Variants in ANKS1B observed in about 807,000 individuals in gnomAD.
ANKS1B encodes ankyrin repeat and sterile alpha motif domain-containing protein 1B.
Under a neutral mutation model 148.3 loss-of-function variants are expected in ANKS1B, and 36 were observed. The observed-to-expected ratio is 0.24, with a 90% confidence interval of 0.19 to 0.32. The LOEUF is 0.32. ANKS1B is among the 10% of genes least tolerant of loss of function. ANKS1B has a pLI of 1.00. For missense variants in ANKS1B, 1,157 were observed against 1,542.6 expected, an observed-to-expected ratio of 0.75 and a Z score of 4.19; for synonymous variants, 542 against 560.8, an observed-to-expected ratio of 0.97 and a Z score of 0.47.
In ANKS1B at chr12:99,960,993, C is replaced by T. The variant is rs756710018; in HGVS notation, c.134+23111G>A. 7.2e-5 allele frequency among the ~76,000 whole-genome samples: 11 copies of T among 152,134 alleles called. 1 individual carries two copies. The highest frequency in any genetic ancestry group is 4.2e-4 in the South Asian group (2 of 4,814). ...CTGTAATCCCAGCATTTTGAGAGGCCGAGGCGGACGGATCATCTGAGGTCA... is the reference window on the plus strand; with the variant it reads ...CTGTAATCCCAGCATTTTGAGAGGCTGAGGCGGACGGATCATCTGAGGTCA... On this transcript the variant is annotated intron_variant, in intron 1 of 26. Transcript: ENST00000683438.
chr12:99,370,283 A>T (rs2093055684), intron 12 of ANKS1B, among the ~76,000 whole-genome samples: 1 of 152,178 alleles, frequency 6.6e-6, no homozygotes, highest in Admixed American at 6.6e-5. Flanking sequence ...GCCATGACTT[A>T]AAAAATAGAG....
At chr12:99,124,417 CAT>C (rs2063731649) in intron 15 of ANKS1B, among the ~76,000 whole-genome samples, 1 of 57,122 alleles carries the variant, frequency 1.8e-5, no homozygotes, top group Non-Finnish European at 3.4e-5. Context: ...TATTTGTGTG[CAT>C]GTGTGTGTGT....
intron 1 of ANKS1B, among the ~76,000 whole-genome samples, chr12:99,950,888 T>A (rs2095203100): frequency 6.6e-6 from 1 of 152,198 alleles, no homozygotes; most frequent in Admixed American, 6.5e-5. Context: ...CTCCCTTGTT[T>A]TATGGAAGCT....
intron 17 of ANKS1B, 90 bp downstream of exon 17, chr12:99,053,067 A>G: frequency 8.4e-7 from 1 of 1,188,680 alleles, no homozygotes; most frequent in South Asian, 1.9e-5. Flanking sequence ...ATAAATCCCC[A>G]TTGGATGTCC....
chr12:99,313,280 C>G (rs1415941192), intron 12 of ANKS1B, among the ~76,000 whole-genome samples: 1 of 152,082 alleles, frequency 6.6e-6, no homozygotes, highest in Admixed American at 6.6e-5. Context: ...AATAGCCTAT[C>G]AACTAAAAAA....
intron 1 of ANKS1B, among the ~76,000 whole-genome samples, chr12:99,893,107 G>C (rs1400535461): frequency 6.6e-6 from 1 of 151,838 alleles, no homozygotes; most frequent in Non-Finnish European, 1.5e-5. Context: ...TCAGGGGGTT[G>C]ATTTAAAAAT....
chr12:99,343,229 C>T (rs2090182732), intron 12 of ANKS1B, among the ~76,000 whole-genome samples: 1 of 152,028 alleles, frequency 6.6e-6, no homozygotes, highest in African/African-American at 2.4e-5. Context: ...GCAGGAGCCA[C>T]ATTCAATGAA....
chr12:99,079,796 A>C (rs1485468155), intron 16 of ANKS1B: 2 of 152,438 alleles, frequency 1.3e-5, no homozygotes, highest in African/African-American at 4.8e-5. Flanking sequence ...CTCTGCTTGC[A>C]ACAAAACTGG....
intron 17 of ANKS1B, among the ~76,000 whole-genome samples, chr12:98,884,731 G>A (rs1039306100): frequency 6.6e-6 from 1 of 150,976 alleles, no homozygotes; most frequent in Non-Finnish European, 1.5e-5. Context: ...CCCGGGAAGC[G>A]GAGCTTGCAG....
intron 1 of ANKS1B, among the ~76,000 whole-genome samples, chr12:99,927,737 G>A (rs1183550966): frequency 6.6e-6 from 1 of 151,826 alleles, no homozygotes; most frequent in Non-Finnish European, 1.5e-5. Flanking sequence ...ACTTATGATG[G>A]CACCACTGCA....
At chr12:99,541,852 T>TAAA (rs142078756) in intron 9 of ANKS1B, among the ~76,000 whole-genome samples, 1 of 145,032 alleles carries the variant, frequency 6.9e-6, no homozygotes. Flanking sequence ...AGACTCCGTC[T>TAAA]AAAAAAAAAA....
intron 8 of ANKS1B, among the ~76,000 whole-genome samples, chr12:99,731,127 G>T (rs1379653336): frequency 1.3e-5 from 2 of 151,194 alleles, no homozygotes; most frequent in African/African-American, 4.9e-5. Context: ...ATGTTTATTT[G>T]TTTGTTTTTG....
At chr12:98,805,727 C>T (rs2099046008) in intron 20 of ANKS1B, among the ~76,000 whole-genome samples, 1 of 152,146 alleles carries the variant, frequency 6.6e-6, no homozygotes, top group Non-Finnish European at 1.5e-5. Flanking sequence ...ATTTTTAGTT[C>T]ACATGCACTG....
At chr12:99,878,304 C>T (rs2092261015) in intron 1 of ANKS1B, among the ~76,000 whole-genome samples, 1 of 152,130 alleles carries the variant, frequency 6.6e-6, no homozygotes, top group African/African-American at 2.4e-5. Flanking sequence ...AGCACTTTAC[C>T]ACACTTGGTC....
intron 1 of ANKS1B, among the ~76,000 whole-genome samples, chr12:99,965,548 A>G (rs1015750913): frequency 6.6e-6 from 1 of 152,234 alleles, no homozygotes; most frequent in African/African-American, 2.4e-5. Flanking sequence ...CATTATCAGC[A>G]ACGGGACAGA....
At position 99,202,612 on chromosome 12, in the gene ANKS1B, A is replaced by C. The variant is rs79668148; in HGVS notation, c.2419+41730T>G. On this transcript the variant is annotated intron_variant, in intron 14 of 26. Coordinates refer to ENST00000683438, the MANE Select transcript of ANKS1B (RefSeq NM_001352186.2). The stretch of plus-strand genomic sequence containing the variant: ...ATTAAAATAGTAATGGAAAAGTAAT[A>C]ATCTCTCCAGCCTACAGACAGCTCT... Among the ~76,000 whole-genome samples, 784 of 152,360 alleles carry C rather than the reference A, an allele frequency of 5.1e-3. 7 individuals carry two copies. Among genetic ancestry groups the C allele is most frequent in the African/African-American group, 0.017 (716 of 41,584 alleles).
At chr12:99,428,100 G>A (rs116696909) in intron 11 of ANKS1B, among the ~76,000 whole-genome samples, 2,046 of 152,258 alleles carry the variant, frequency 0.013, 43 homozygotes, top group South Asian at 0.04. Context: ...AATGTAATAA[G>A]ATCACTCTCC....
chr12:99,141,277 T>C (rs2070659117), intron 15 of ANKS1B, among the ~76,000 whole-genome samples: 1 of 152,146 alleles, frequency 6.6e-6, no homozygotes. Context: ...TTGACAGTTG[T>C]CTACTACTTC....
At chr12:99,554,942 A>G (rs553122394) in intron 9 of ANKS1B, among the ~76,000 whole-genome samples, 54 of 152,250 alleles carry the variant, frequency 3.5e-4, no homozygotes, top group African/African-American at 1.1e-3. Flanking sequence ...AAGTAAGAAT[A>G]TGTGGTAATT....
Sources: gnomAD v4.1 joint callset for allele counts (sites outside exome capture counted in the v4.1 genomes callset) on GRCh38, gnomAD v4.1.1 for gene constraint, MANE v1.5 for transcripts, NCBI Gene and HGNC (gene_info 2026-07-23, HGNC 2026-07-21) for gene names.